The following HHIP variants were observed in gnomAD, a reference collection of about 807,000 sequenced individuals.
HHIP encodes the protein hedgehog interacting protein.
Under a neutral mutation model 74.0 loss-of-function variants are expected in HHIP, and 12 were observed. The observed-to-expected ratio is 0.16, with a 90% confidence interval of 0.10 to 0.26. The LOEUF (loss-of-function observed/expected upper bound fraction) is 0.26. Ranked by LOEUF, HHIP falls within the 10% of genes least tolerant of loss-of-function variation. The probability of loss-of-function intolerance (pLI) is 1.00; values close to 1 mark genes in which losing one functional copy is unlikely to be tolerated. For missense variants in HHIP, 788 were observed against 845.0 expected (o/e 0.93, Z 0.84); for synonymous variants, 309 against 311.6 (o/e 0.99, Z 0.09).
intron 4 of HHIP, among the ~76,000 whole-genome samples, chr4:144,682,037 T>A (rs916303210): frequency 6.6e-6 from 1 of 152,242 alleles, no homozygotes; most frequent in African/African-American, 2.4e-5. Context: ...TCATGTTGAA[T>A]TATTTGTAAA....
In HHIP at chr4:144,708,071, A is replaced by T. The variant is rs1730194962; in HGVS notation, c.1158-97A>T. On this transcript the variant is annotated intron_variant, in intron 6 of 12. Coordinates refer to ENST00000296575, the MANE Select transcript of HHIP (RefSeq NM_022475.3). ...TTAATATTTTATTTCAACTAAGGGGATGATTTTTTCATCAATAGAGCAACC... is the reference window on the plus strand; with the variant it reads ...TTAATATTTTATTTCAACTAAGGGGTTGATTTTTTCATCAATAGAGCAACC... 6 of 1,270,654 alleles carry T rather than the reference A, an allele frequency of 4.7e-6. No individual in the cohort carries two copies. In the South Asian group the frequency reaches 7.8e-5, roughly 17 times the overall value. 78.7% of individuals were successfully genotyped at this position (1,270,654 alleles called of 1,614,324 possible). A position where few individuals can be genotyped will look rare whatever the true frequency, so the allele number is the denominator to read the frequency against.
At chr4:144,696,232 G>A (rs559413068) in intron 4 of HHIP, among the ~76,000 whole-genome samples, 26 of 151,562 alleles carry the variant, frequency 1.7e-4, no homozygotes, top group Non-Finnish European at 3.7e-4. Flanking sequence ...CTTTGCCTCA[G>A]TGAGTGTATT....
intron 4 of HHIP, among the ~76,000 whole-genome samples, chr4:144,663,761 C>G (rs1345006529): frequency 6.6e-6 from 1 of 152,114 alleles, no homozygotes; most frequent in African/African-American, 2.4e-5. Flanking sequence ...ATTTTGGAAT[C>G]TGGTGCTCAG....
At chr4:144,675,033 CCTT>C (rs1376534874) in intron 4 of HHIP, among the ~76,000 whole-genome samples, 1 of 152,062 alleles carries the variant, frequency 6.6e-6, no homozygotes, top group Non-Finnish European at 1.5e-5. Context: ...AAGAGTCTCT[CCTT>C]TACTCAGAAG....
chr4:144,737,197 TCTA>T (rs1483015900), intron 12 of HHIP, among the ~76,000 whole-genome samples: 1 of 152,194 alleles, frequency 6.6e-6, no homozygotes, highest in Non-Finnish European at 1.5e-5. Flanking sequence ...GAAAGAGACT[TCTA>T]AGTGTAATCA....
intron 4 of HHIP, among the ~76,000 whole-genome samples, chr4:144,668,490 A>G (rs1468944060): frequency 1.3e-5 from 2 of 152,204 alleles, no homozygotes; most frequent in Non-Finnish European, 2.9e-5. Context: ...TTAGTGGCTC[A>G]CGCCTGTAAT....
rs1386899656 is a variant in HHIP at position 144,707,150 on chromosome 4, C to T, written c.1047C>T (p.His349=). ...ARVFLEVAEL[H]RKHLGGQLLF... ...TCTTTCTTGAAGTTGCAGAACTCCA[C>T]AGAAAGCATCTGGGAGGACAACTGC... Residue 349 remains histidine (H), a synonymous_variant, in exon 6 of 13, where the codon CAC becomes CAT. Coordinates refer to ENST00000296575, the MANE Select transcript of HHIP (RefSeq NM_022475.3). 5 of 1,613,886 alleles carry T rather than the reference C, an allele frequency of 3.1e-6. No individual in the cohort carries two copies. The highest frequency in any genetic ancestry group is 2.2e-5 in the East Asian group (1 of 44,892).
At chr4:144,656,351 C>T (rs1329128802) in intron 2 of HHIP, among the ~76,000 whole-genome samples, 8 of 152,094 alleles carry the variant, frequency 5.3e-5, no homozygotes, top group African/African-American at 1.7e-4. Context: ...TCTTAATTTG[C>T]TAAGCAGGCA....
intron 12 of HHIP, among the ~76,000 whole-genome samples, chr4:144,736,600 C>T (rs113082046): frequency 1.8e-4 from 27 of 152,082 alleles, no homozygotes; most frequent in African/African-American, 4.8e-4. Flanking sequence ...CTATATATAC[C>T]TTAATAGATA....
chr4:144,687,704 T>G (rs1480443640), intron 4 of HHIP, among the ~76,000 whole-genome samples: 1 of 150,418 alleles, frequency 6.6e-6, no homozygotes, highest in Non-Finnish European at 1.5e-5. Context: ...AACTCACTGG[T>G]CTAGTCAGTG....
At chr4:144,678,279 T>C (rs1298255119) in intron 4 of HHIP, among the ~76,000 whole-genome samples, 1 of 152,234 alleles carries the variant, frequency 6.6e-6, no homozygotes, top group East Asian at 1.9e-4. Flanking sequence ...TGTACTTTGG[T>C]AACTTAACTT....
chr4:144,660,634 A>G (rs1429826778), intron 4 of HHIP, among the ~76,000 whole-genome samples: 2 of 152,138 alleles, frequency 1.3e-5, no homozygotes, highest in Non-Finnish European at 2.9e-5. Flanking sequence ...TCACATAGAA[A>G]TGAACTCTTT....
chr4:144,670,764 G>C (rs1278077035), intron 4 of HHIP, among the ~76,000 whole-genome samples: 1 of 54,908 alleles, frequency 1.8e-5, no homozygotes, highest in Non-Finnish European at 3.2e-5. Context: ...CTTAAGATTT[G>C]AAAAAAAAAA....
At position 144,680,231 on chromosome 4, in the gene HHIP, G is replaced by A. The variant is rs562377379; in HGVS notation, c.831+20393G>A. ...AAAAACATGCTTATGTCCTCACTGT[G>A]CTTTACCAAAAAAAAACTTCTTGTT... On this transcript the variant is annotated intron_variant, in intron 4 of 12. Transcript: ENST00000296575. 1.3e-3 allele frequency among the ~76,000 whole-genome samples: 194 copies of A among 151,658 alleles called. 1 individual carries two copies. The highest frequency in any genetic ancestry group is 1.9e-3 in the Non-Finnish European group (129 of 67,938).
At chr4:144,709,028 A>G (rs559186993) in intron 7 of HHIP, among the ~76,000 whole-genome samples, 1 of 152,310 alleles carries the variant, frequency 6.6e-6, no homozygotes, top group East Asian at 1.9e-4. Context: ...TAATACAGCA[A>G]TTTCAGTAAC....
At chr4:144,692,805 C>T (rs17019626) in intron 4 of HHIP, among the ~76,000 whole-genome samples, 2 of 151,976 alleles carry the variant, frequency 1.3e-5, no homozygotes, top group Admixed American at 6.6e-5. Context: ...AACAACTCAC[C>T]AGGTAGGAAA....
intron 4 of HHIP, among the ~76,000 whole-genome samples, chr4:144,697,409 A>G (rs534597125): frequency 1.3e-5 from 2 of 152,154 alleles, no homozygotes; most frequent in South Asian, 2.1e-4. Flanking sequence ...CATTGAGAAG[A>G]TATTTTAGAA....
chr4:144,726,920 T>C (rs975844053), intron 11 of HHIP, among the ~76,000 whole-genome samples: 1 of 152,182 alleles, frequency 6.6e-6, no homozygotes, highest in Non-Finnish European at 1.5e-5. Context: ...TTCTAATCTC[T>C]CCTGAAGCGA....
intron 1 of HHIP, among the ~76,000 whole-genome samples, chr4:144,649,652 C>G (rs770873342): frequency 4.6e-5 from 7 of 152,140 alleles, no homozygotes; most frequent in Non-Finnish European, 1.0e-4. Flanking sequence ...ACCCTCATTT[C>G]TAAAACTTAA....
Sources: gnomAD v4.1 joint callset for allele counts (sites outside exome capture counted in the v4.1 genomes callset) on GRCh38, gnomAD v4.1.1 for gene constraint, MANE v1.5 for transcripts, NCBI Gene and HGNC (gene_info 2026-07-23, HGNC 2026-07-21) for gene names.